The following SLC24A2 variants were observed in gnomAD, a reference collection of about 807,000 sequenced individuals.
SLC24A2 encodes sodium/potassium/calcium exchanger 2.
A neutral mutation model predicts 62.0 loss-of-function variants in SLC24A2; 36 were observed. The ratio of observed to expected loss-of-function variants is 0.58; its 90% confidence interval spans 0.44 to 0.77. The LOEUF (loss-of-function observed/expected upper bound fraction) is 0.77, where lower values mean the gene tolerates loss of function less well. SLC24A2 is among the 30% of genes least tolerant of loss of function. The pLI, the probability that SLC24A2 is intolerant of heterozygous loss-of-function variation, is 0.00. For synonymous variants in SLC24A2, 358 were observed against 294.0 expected, an observed-to-expected ratio of 1.22 and a Z score of -2.23; for missense variants, 846 against 817.9, an observed-to-expected ratio of 1.03 and a Z score of -0.42.
chr9:19,523,968 C>G (rs746253914), intron 9 of SLC24A2, among the ~76,000 whole-genome samples: 5 of 151,966 alleles, frequency 3.3e-5, no homozygotes, highest in Non-Finnish European at 5.9e-5. Flanking sequence ...AACTAGTCTT[C>G]ATAAGCTTGT....
chr9:19,987,213 C>T, the SLC24A2 span, among the ~76,000 whole-genome samples: 1 of 152,016 alleles, frequency 6.6e-6, no homozygotes, highest in Non-Finnish European at 1.5e-5. Flanking sequence ...TTGGAGGTAC[C>T]TGTGGAGGTG....
At chr9:20,281,693 A>G in the SLC24A2 span, among the ~76,000 whole-genome samples, 1 of 152,212 alleles carries the variant, frequency 6.6e-6, no homozygotes, top group African/African-American at 2.4e-5. Flanking sequence ...GATTTGGGGA[A>G]TATCTCATAG....
chr9:19,895,060 T>C, the SLC24A2 span, among the ~76,000 whole-genome samples: 1 of 152,202 alleles, frequency 6.6e-6, no homozygotes. Context: ...TTCATAGTTA[T>C]TTTAACTCTA....
chr9:20,000,528 A>G, the SLC24A2 span, among the ~76,000 whole-genome samples: 1 of 152,234 alleles, frequency 6.6e-6, no homozygotes, highest in East Asian at 1.9e-4. Flanking sequence ...AGGGAGAAAC[A>G]TCAGAACACA....
At chr9:19,761,819 T>C (rs1822341512) in intron 2 of SLC24A2, among the ~76,000 whole-genome samples, 1 of 152,236 alleles carries the variant, frequency 6.6e-6, no homozygotes, top group Non-Finnish European at 1.5e-5. Flanking sequence ...ACTCATCATT[T>C]TTTATGGCTG....
At chr9:20,120,263 A>G in the SLC24A2 span, among the ~76,000 whole-genome samples, 1 of 152,104 alleles carries the variant, frequency 6.6e-6, no homozygotes, top group Non-Finnish European at 1.5e-5. Flanking sequence ...CCTATTAAGA[A>G]GCTTTGCCTC....
chr9:20,223,527 A>G, the SLC24A2 span, among the ~76,000 whole-genome samples: 1 of 152,296 alleles, frequency 6.6e-6, no homozygotes, highest in African/African-American at 2.4e-5. Context: ...GAAAACTGAG[A>G]AGAAGATCTT....
At chr9:20,117,610 T>C in the SLC24A2 span, among the ~76,000 whole-genome samples, 5 of 152,128 alleles carry the variant, frequency 3.3e-5, no homozygotes, top group Non-Finnish European at 4.4e-5. Flanking sequence ...AAAGTACTTA[T>C]TATGTTTGTC....
At chr9:19,557,506 G>A (rs770671355) in intron 7 of SLC24A2, among the ~76,000 whole-genome samples, 2 of 152,182 alleles carry the variant, frequency 1.3e-5, no homozygotes, top group African/African-American at 2.4e-5. Context: ...CTCCAGAAAC[G>A]TGACCTTTAA....
intron 5 of SLC24A2, 105 bp downstream of exon 5, chr9:19,597,124 T>G (rs1017385375): frequency 1.3e-6 from 1 of 781,660 alleles, no homozygotes. Flanking sequence ...TCACACAATG[T>G]CACTGAAGTC....
chr9:20,010,420 A>C, the SLC24A2 span, among the ~76,000 whole-genome samples: 1 of 152,190 alleles, frequency 6.6e-6, no homozygotes, highest in Non-Finnish European at 1.5e-5. Context: ...AAGATCTATA[A>C]AATGGCTGAC....
At chr9:20,098,569 A>G in the SLC24A2 span, among the ~76,000 whole-genome samples, 2 of 152,234 alleles carry the variant, frequency 1.3e-5, no homozygotes, top group African/African-American at 4.8e-5. Flanking sequence ...GAAACTCAGC[A>G]TTAGGCCTAA....
At chr9:19,591,548 A>T (rs796689054) in intron 5 of SLC24A2, among the ~76,000 whole-genome samples, 3 of 152,346 alleles carry the variant, frequency 2.0e-5, no homozygotes, top group African/African-American at 7.2e-5. Context: ...GAGGGTCTTC[A>T]GGGAAAGCTC....
At chr9:19,616,841 G>C (rs1400812068) in intron 4 of SLC24A2, among the ~76,000 whole-genome samples, 1 of 152,126 alleles carries the variant, frequency 6.6e-6, no homozygotes, top group South Asian at 2.1e-4. Context: ...TGAATGGTCA[G>C]GAAGTATTTA....
At chr9:20,034,854 A>G in the SLC24A2 span, among the ~76,000 whole-genome samples, 2 of 152,188 alleles carry the variant, frequency 1.3e-5, 1 homozygote, top group South Asian at 4.1e-4. Flanking sequence ...TTCAATAGGA[A>G]AAAAAGATTC....
the SLC24A2 span, among the ~76,000 whole-genome samples, chr9:20,262,158 T>C: frequency 6.6e-6 from 1 of 152,212 alleles, no homozygotes; most frequent in Admixed American, 6.5e-5. Flanking sequence ...AATACTATTA[T>C]TCTCTGACCA....
At chr9:19,797,156 G>C in the SLC24A2 span, among the ~76,000 whole-genome samples, 2 of 152,180 alleles carry the variant, frequency 1.3e-5, no homozygotes, top group South Asian at 2.1e-4. Context: ...CATAGGTCTA[G>C]TAGCTTCTCT....
chr9:19,925,855 G>T, the SLC24A2 span, among the ~76,000 whole-genome samples: 8 of 152,306 alleles, frequency 5.3e-5, 1 homozygote, highest in Admixed American at 5.2e-4. Context: ...TCCTGACAGA[G>T]ATTTTAATCG....
chr9:19,830,715 C>G, the SLC24A2 span, among the ~76,000 whole-genome samples: 3 of 152,140 alleles, frequency 2.0e-5, no homozygotes, highest in East Asian at 1.9e-4. Flanking sequence ...CTGCCTTTCC[C>G]TAACTGGACA....
Sources: gnomAD v4.1 joint callset for allele counts (sites outside exome capture counted in the v4.1 genomes callset) on GRCh38, gnomAD v4.1.1 for gene constraint, MANE v1.5 for transcripts, NCBI Gene and HGNC (gene_info 2026-07-23, HGNC 2026-07-21) for gene names.